Variants in CCSER2 observed in about 807,000 individuals in gnomAD.
CCSER2 encodes the protein serine-rich coiled-coil domain-containing protein 2.
CCSER2 carries 46 observed loss-of-function variants against 92.3 expected under a neutral mutation model. The ratio of observed to expected loss-of-function variants is 0.50; its 90% CI spans 0.39 to 0.64. The LOEUF (loss-of-function observed/expected upper bound fraction) is 0.64, where lower values mean the gene tolerates loss of function less well. Among genes scored for constraint, CCSER2 ranks in the 30% least tolerant of loss-of-function variants. The pLI, the probability that CCSER2 is intolerant of heterozygous loss-of-function variation, is 0.00. For synonymous variants in CCSER2, 433 were observed against 431.4 expected, an observed-to-expected ratio of 1.00 and a Z score of -0.04; for missense variants, 1,244 against 1,238.9, an observed-to-expected ratio of 1.00 and a Z score of -0.06.
chr10:84,425,996 T>C, intron 5 of CCSER2, 103 bp downstream of exon 5: 1 of 736,968 alleles, frequency 1.4e-6, no homozygotes, highest in African/African-American at 1.8e-5. Flanking sequence ...GTCTGGTTTG[T>C]TTTTAGAGGC....
At chr10:84,511,179 T>A in intron 9 of CCSER2, among the ~76,000 whole-genome samples, 1 of 152,240 alleles carries the variant, frequency 6.6e-6, no homozygotes, top group Non-Finnish European at 1.5e-5. Flanking sequence ...TTGTTATTCT[T>A]TAAAAACTGG....
chr10:84,383,169 A>AT (rs139974153), intron 3 of CCSER2, among the ~76,000 whole-genome samples: 18,883 of 152,068 alleles, frequency 0.12, 3,414 homozygotes, highest in African/African-American at 0.4. Flanking sequence ...CCTGGTTTAT[A>AT]TTTGCCTTAC....
intron 1 of CCSER2, among the ~76,000 whole-genome samples, chr10:84,359,897 T>C (rs923134723): frequency 3.9e-5 from 6 of 152,124 alleles, no homozygotes; most frequent in African/African-American, 1.2e-4. Flanking sequence ...CACTGCAACT[T>C]CCACCTCCCG....
At chr10:84,334,873 T>TCCTGTTTTCATCTAC (rs1843746246) in intron 1 of CCSER2, among the ~76,000 whole-genome samples, 1 of 152,216 alleles carries the variant, frequency 6.6e-6, no homozygotes. Flanking sequence ...CTCTGCCTTC[T>TCCTGTTTTCATCTAC]CCTGTTTTCA....
At chr10:84,378,802 G>A (rs1846484864) in intron 3 of CCSER2, among the ~76,000 whole-genome samples, 1 of 152,120 alleles carries the variant, frequency 6.6e-6, no homozygotes, top group Non-Finnish European at 1.5e-5. Context: ...TGAACTCCTG[G>A]GCTGAAGTAA....
chr10:84,517,873 C>G lies in CCSER2; in HGVS notation c.*3606C>G, dbSNP rs1403589742. 6.6e-6 allele frequency: 1 copy of G among 152,572 alleles called. No individual in the cohort carries two copies. Among genetic ancestry groups the G allele is most frequent in the Non-Finnish European group, 1.5e-5 (1 of 68,058 alleles). The allele number at this position is 152,572 out of a possible 1,614,324, so 9.5% of individuals were successfully genotyped here. The stretch of plus-strand genomic sequence containing the variant: ...AGAGTTGTCATACTGGTTTCCTGGT[C>G]TCTAGGGCACTGGGGATGTACTTTG... On this transcript the variant is annotated 3_prime_UTR_variant, in exon 10 of 10. Coordinates refer to ENST00000372088, the MANE Select transcript of CCSER2 (RefSeq NM_001284240.2).
At chr10:84,376,755 T>C (rs937705116) in intron 3 of CCSER2, among the ~76,000 whole-genome samples, 2 of 152,178 alleles carry the variant, frequency 1.3e-5, no homozygotes, top group Non-Finnish European at 2.9e-5. Flanking sequence ...TGGATAAAGA[T>C]GCTGTCAGTG....
intron 3 of CCSER2, among the ~76,000 whole-genome samples, chr10:84,412,419 G>A (rs1842699014): frequency 6.6e-6 from 1 of 151,842 alleles, no homozygotes; most frequent in South Asian, 2.1e-4. Context: ...AATCTGTCTA[G>A]TCATGGGCTT....
intron 1 of CCSER2, among the ~76,000 whole-genome samples, chr10:84,360,291 TCTTA>T (rs768308592): frequency 1.3e-5 from 2 of 152,236 alleles, no homozygotes; most frequent in Non-Finnish European, 2.9e-5. Context: ...TTTCAGATTT[TCTTA>T]CTTTGTGATT....
chr10:84,447,969 T>C (rs1845032057), intron 6 of CCSER2, among the ~76,000 whole-genome samples: 1 of 152,080 alleles, frequency 6.6e-6, no homozygotes, highest in Non-Finnish European at 1.5e-5. Context: ...ATTTTTGTTA[T>C]CCTGCTAAGA....
Position 84,371,119 on chromosome 10 carries a change from G to A in CCSER2, c.67G>A (p.Val23Ile). Residue 23 changes from valine (V) to isoleucine (I), a missense_variant, in exon 2 of 10, where the codon GTA (valine) becomes ATA (isoleucine). By Grantham distance (29) the Val-to-Ile change is conservative. Coordinates refer to ENST00000372088, the MANE Select transcript of CCSER2 (RefSeq NM_001284240.2). ...SKLPKYGTKSVRSTLQPMPNG... is the reference protein window; with the variant it reads ...SKLPKYGTKSIRSTLQPMPNG... ...GTTGCCAAAGTATGGAACAAAATCTGTAAGAAGTACATTGCAGCCAATGCC... is the reference window on the plus strand; with the variant it reads ...GTTGCCAAAGTATGGAACAAAATCTATAAGAAGTACATTGCAGCCAATGCC... 7 of 1,611,194 alleles carry A rather than the reference G, an allele frequency of 4.3e-6. No homozygotes were observed. The highest frequency in any genetic ancestry group is 5.9e-6 in the Non-Finnish European group (7 of 1,179,154).
chr10:84,444,385 C>A (rs1320366369), intron 6 of CCSER2, among the ~76,000 whole-genome samples: 1 of 152,092 alleles, frequency 6.6e-6, no homozygotes, highest in African/African-American at 2.4e-5. Context: ...CTGTTGCATC[C>A]ATTCAAATTT....
intron 5 of CCSER2, among the ~76,000 whole-genome samples, chr10:84,429,261 A>G (rs1843627033): frequency 6.6e-6 from 1 of 151,940 alleles, no homozygotes; most frequent in Non-Finnish European, 1.5e-5. Context: ...TTTAATTTTT[A>G]TAGATATTCT....
intron 1 of CCSER2, among the ~76,000 whole-genome samples, chr10:84,368,101 G>C (rs1845876516): frequency 6.6e-6 from 1 of 152,286 alleles, no homozygotes; most frequent in South Asian, 2.1e-4. Flanking sequence ...TCCTGGTGAT[G>C]CCTCTGCCTA....
intron 6 of CCSER2, chr10:84,455,969 A>G: frequency 1.6e-6 from 1 of 629,930 alleles, no homozygotes; most frequent in Non-Finnish European, 3.1e-6. Context: ...TTTCACCTGT[A>G]AGGGCATCAC....
intron 5 of CCSER2, among the ~76,000 whole-genome samples, chr10:84,431,891 A>G (rs1035155908): frequency 1.3e-5 from 2 of 152,240 alleles, no homozygotes; most frequent in Non-Finnish European, 2.9e-5. Context: ...GCACGGGCGT[A>G]CATTTTTCAC....
Position 84,425,785 on chromosome 10 carries a change from C to T in CCSER2, c.1760C>T (p.Pro587Leu). 2.5e-6 allele frequency: 4 copies of T among 1,613,644 alleles called. No homozygotes were observed. The highest frequency in any genetic ancestry group is 3.4e-6 in the Non-Finnish European group (4 of 1,179,748). ...FDRPDRNVRQPQEGFWKRPPQ... is the reference protein window; with the variant it reads ...FDRPDRNVRQLQEGFWKRPPQ... Reference sequence around the variant, plus strand: ...CGACCAGACAGAAATGTTCGGCAGCCTCAGGAAGGTTTTTGGAAAAGGCCA... The same window carrying T: ...CGACCAGACAGAAATGTTCGGCAGCTTCAGGAAGGTTTTTGGAAAAGGCCA... The change falls in exon 5 of 10, where the codon CCT becomes CTT. Residue 587 changes from proline (P) to leucine (L), a missense_variant. Coordinates refer to ENST00000372088, the MANE Select transcript of CCSER2 (RefSeq NM_001284240.2).
intron 1 of CCSER2, among the ~76,000 whole-genome samples, chr10:84,350,784 C>T (rs1446711684): frequency 6.6e-6 from 1 of 152,208 alleles, no homozygotes; most frequent in Non-Finnish European, 1.5e-5. Flanking sequence ...TTTGACCCTA[C>T]ATATAGTATC....
In CCSER2 at chr10:84,513,662, T is replaced by A. The variant is rs1368593721; in HGVS notation, c.2539T>A (p.Leu847Ile). ...GCAGCCTTTTTCATCAGGCCCACAA[T>A]TAACAATGGATGTGGCTAAGAGTAC... ...EEQPFSSGPQ[L>I]TMDVAKSTPS... The change falls in exon 10 of 10, where the codon TTA becomes ATA. Residue 847 changes from leucine to isoleucine, a missense_variant. Physicochemically the swap from Leu to Ile is conservative, Grantham distance 5 (BLOSUM62 2). Transcript: ENST00000372088. 27 of 1,568,830 alleles carry A rather than the reference T, an allele frequency of 1.7e-5. No individual in the cohort carries two copies. The highest frequency in any genetic ancestry group is 2.2e-5 in the Non-Finnish European group (26 of 1,160,034).
Sources: allele counts gnomAD v4.1 joint callset (sites outside exome capture counted in the v4.1 genomes callset), GRCh38; gene constraint gnomAD v4.1.1; transcripts MANE v1.5; gene names NCBI Gene and HGNC (gene_info 2026-07-23, HGNC 2026-07-21).